MAD1L1: variants seen among roughly 807,000 people sequenced by gnomAD.
The protein encoded by MAD1L1 is mitotic spindle assembly checkpoint protein MAD1.
In MAD1L1, 95 loss-of-function variants were observed where a neutral mutation model predicts 96.9. The ratio of observed to expected loss-of-function variants is 0.98; its 90% CI spans 0.83 to 1.16. The LOEUF is 1.16. Among genes scored for constraint, MAD1L1 ranks in the 50% most tolerant of loss-of-function variants. The pLI is 0.00. For synonymous variants in MAD1L1, 473 were observed against 396.6 expected, an observed-to-expected ratio of 1.19 and a Z score of -2.29; for missense variants, 1,007 against 954.4, an observed-to-expected ratio of 1.06 and a Z score of -0.73.
intron 12 of MAD1L1, among the ~76,000 whole-genome samples, chr7:2,020,099 G>T (rs73045493): frequency 2.0e-5 from 3 of 152,198 alleles, no homozygotes; most frequent in South Asian, 2.1e-4. Context: ...CTGCCCTGTC[G>T]CTCAGACCAC....
At chr7:2,009,844 G>A (rs563851925) in intron 13 of MAD1L1, among the ~76,000 whole-genome samples, 19 of 152,296 alleles carry the variant, frequency 1.2e-4, no homozygotes, top group Admixed American at 3.3e-4. Context: ...GCTGGGCAGC[G>A]GTGCTCTAAG....
Position 2,231,273 on chromosome 7 carries a change from G to T in MAD1L1, c.-189-546C>A, listed in dbSNP as rs60224664. ...AGACCGCACCACTGCACTCCAGCCT[G>T]GGTAACGGGGTGAGACAGTGTCTCA... On this transcript the variant is annotated intron_variant, in intron 1 of 18. Coordinates refer to ENST00000265854, the MANE Select transcript of MAD1L1 (RefSeq NM_001013836.2). Among the ~76,000 whole-genome samples, 325 of 152,248 alleles carry T rather than the reference G, an allele frequency of 2.1e-3. 3 individuals carry two copies. The highest frequency in any genetic ancestry group is 7.1e-3 in the African/African-American group (295 of 41,548).
chr7:1,920,349 G>A (rs1229527910), intron 17 of MAD1L1, among the ~76,000 whole-genome samples: 1 of 152,216 alleles, frequency 6.6e-6, no homozygotes, highest in African/African-American at 2.4e-5. Context: ...TGCAGATGGA[G>A]CAGCGACAGT....
chr7:1,850,488 C>A (rs1336388259), intron 18 of MAD1L1, among the ~76,000 whole-genome samples: 1 of 152,200 alleles, frequency 6.6e-6, no homozygotes, highest in Non-Finnish European at 1.5e-5. Context: ...GTGGGGGTAC[C>A]CCAAGTTCCT....
chr7:1,919,237 A>G (rs1788622512), intron 17 of MAD1L1, among the ~76,000 whole-genome samples: 1 of 152,188 alleles, frequency 6.6e-6, no homozygotes, highest in Admixed American at 6.5e-5. Context: ...CAGACCCCCA[A>G]CTGTTACGAC....
chr7:2,069,729 G>C (rs1482445472), intron 11 of MAD1L1, among the ~76,000 whole-genome samples: 1 of 152,224 alleles, frequency 6.6e-6, no homozygotes, highest in Non-Finnish European at 1.5e-5. Context: ...GCCTGGTTGG[G>C]GGGCCTGTTC....
chr7:2,102,775 C>T (rs1786881005), intron 11 of MAD1L1, among the ~76,000 whole-genome samples: 2 of 152,110 alleles, frequency 1.3e-5, no homozygotes, highest in Non-Finnish European at 2.9e-5. Flanking sequence ...CACCGCCACC[C>T]TCGCACCATC....
In MAD1L1 at chr7:1,968,655, G is replaced by A. The variant is rs767458297; in HGVS notation, c.1506-10936C>T. Among the ~76,000 whole-genome samples, 15 of 152,378 alleles carry A rather than the reference G, an allele frequency of 9.8e-5. No homozygotes were observed. Among genetic ancestry groups the A allele is most frequent in the African/African-American group, 3.1e-4 (13 of 41,588 alleles). On this transcript the variant is annotated intron_variant, in intron 15 of 18. Coordinates refer to ENST00000265854, the MANE Select transcript of MAD1L1 (RefSeq NM_001013836.2). The surrounding 1 kb of genome is among the most constrained non-coding windows in gnomAD (Gnocchi z 5.6). ...AGCGGTCAGGTCCACCTGCTGTTGC[G>A]TGGATGTCAGGGGCTCCCTGATGGG...
intron 10 of MAD1L1, among the ~76,000 whole-genome samples, chr7:2,185,755 C>T (rs1791429475): frequency 6.6e-6 from 1 of 152,032 alleles, no homozygotes; most frequent in Non-Finnish European, 1.5e-5. Flanking sequence ...ACGTGACGGT[C>T]AGGGTGAGGA....
rs183244762 is a variant in MAD1L1, at chr7:1,904,714, C to T, written c.1808-6324G>A. 3.0e-3 allele frequency among the ~76,000 whole-genome samples: 343 copies of T among 115,460 alleles called. 42 individuals carry two copies. The highest frequency in any genetic ancestry group is 0.011 in the Middle Eastern group (2 of 178). 75.7% of individuals were successfully genotyped at this position (115,460 alleles called of 152,430 possible). A position where few individuals can be genotyped will look rare whatever the true frequency, so the allele number is the denominator to read the frequency against. On this transcript the variant is annotated intron_variant, in intron 17 of 18. Transcript: ENST00000265854. ...CGAGGACGCAGTGGCCTATGGAAGA[C>T]GCTCTTGCGGAACTCATGATTGATC... is the stretch of plus-strand genomic sequence containing the variant.
chr7:2,043,978 C>T (rs1450893650), intron 12 of MAD1L1, among the ~76,000 whole-genome samples: 1 of 152,178 alleles, frequency 6.6e-6, no homozygotes, highest in African/African-American at 2.4e-5. Context: ...GTGCCCGTCC[C>T]GTCAAGAGAG....
chr7:1,890,471 C>G (rs370217678), intron 18 of MAD1L1, among the ~76,000 whole-genome samples: 1 of 152,222 alleles, frequency 6.6e-6, no homozygotes, highest in Non-Finnish European at 1.5e-5. Flanking sequence ...CATGAGTGGA[C>G]GCAGCCTGAG....
intron 12 of MAD1L1, among the ~76,000 whole-genome samples, chr7:2,066,558 G>A (rs1290380875): frequency 6.6e-6 from 1 of 152,222 alleles, no homozygotes; most frequent in African/African-American, 2.4e-5. Flanking sequence ...GGGCCAGAAA[G>A]TGCCAGAGGC....
In MAD1L1 at chr7:2,114,994, C is replaced by T. The variant is rs564861285; in HGVS notation, c.1073+34158G>A. 3.3e-5 allele frequency among the ~76,000 whole-genome samples: 5 copies of T among 152,342 alleles called. No homozygotes were observed. In the South Asian group the frequency reaches 8.3e-4, roughly 25 times the overall value. ...TTCCCAGGGTAGAAACAGTGACGGG[C>T]CAGTGCAGCAGAGAAGAGCAGAGCG... On this transcript the variant is annotated intron_variant, in intron 11 of 18. Transcript: ENST00000265854. This position sits in a 1 kb window ranked among gnomAD's most constrained non-coding sequence, Gnocchi z 4.2.
intron 10 of MAD1L1, among the ~76,000 whole-genome samples, chr7:2,154,134 A>G (rs2128583336): frequency 6.6e-6 from 1 of 152,336 alleles, no homozygotes; most frequent in East Asian, 1.9e-4. Flanking sequence ...CCAGCCTGGC[A>G]ACAGAGCAAG....
intron 11 of MAD1L1, among the ~76,000 whole-genome samples, chr7:2,093,198 T>A (rs779966180): frequency 7.9e-6 from 1 of 126,818 alleles, no homozygotes; most frequent in Non-Finnish European, 1.5e-5. Context: ...TGAGCCAAGA[T>A]AGCACCACTG....
chr7:1,889,393 G>A (rs1294871900), intron 18 of MAD1L1, among the ~76,000 whole-genome samples: 1 of 152,228 alleles, frequency 6.6e-6, no homozygotes, highest in African/African-American at 2.4e-5. Flanking sequence ...GGGCACTCTT[G>A]CCATTTCCCT....
intron 17 of MAD1L1, among the ~76,000 whole-genome samples, chr7:1,912,871 TG>T (rs2128451324): frequency 6.6e-6 from 1 of 152,168 alleles, no homozygotes; most frequent in East Asian, 1.9e-4. Flanking sequence ...GAGAGAGGCC[TG>T]GGGTGGCGGC....
chr7:2,162,399 T>C (rs1037713952), intron 10 of MAD1L1, among the ~76,000 whole-genome samples: 2 of 152,106 alleles, frequency 1.3e-5, no homozygotes, highest in Admixed American at 6.5e-5. Flanking sequence ...GCATGCTGGT[T>C]AAGAGTCATC....
Sources: allele counts gnomAD v4.1 joint callset (sites outside exome capture counted in the v4.1 genomes callset), GRCh38; gene constraint gnomAD v4.1.1; non-coding constraint Gnocchi (gnomAD v3.1); transcripts MANE v1.5; gene names NCBI Gene and HGNC (gene_info 2026-07-23, HGNC 2026-07-21).